The following LGALS14 variants were observed in gnomAD, a reference collection of about 807,000 sequenced individuals.
LGALS14 encodes the protein placental protein 13-like.
Under a neutral mutation model 14.6 loss-of-function variants are expected in LGALS14, and 14 were observed. The observed-to-expected ratio is 0.96, with a 90% CI of 0.64 to 1.50. LGALS14 has a LOEUF of 1.50. Ranked by LOEUF, LGALS14 falls within the 40% of genes most tolerant of loss-of-function variation. The pLI, the probability that LGALS14 is intolerant of heterozygous loss-of-function variation, is 0.00. For synonymous variants in LGALS14, 57 were observed against 63.9 expected, an observed-to-expected ratio of 0.89 and a Z score of 0.51; for missense variants, 180 against 172.0, an observed-to-expected ratio of 1.05 and a Z score of -0.26.
At chr19:39,706,141 G>T in intron 1 of LGALS14, 1 of 1,326,942 alleles carries the variant, frequency 7.5e-7, no homozygotes, top group South Asian at 1.4e-5. Context: ...CATTTTCTGA[G>T]TTGAAAATAA....
At chr19:39,709,104 G>A (rs1973759542) in intron 3 of LGALS14, 93 bp from the exon 4 acceptor site, 5 of 810,138 alleles carry the variant, frequency 6.2e-6, no homozygotes, top group Non-Finnish European at 1.1e-5. Flanking sequence ...GAGTTTTCAT[G>A]GGGAAGGTTA....
At chr19:39,705,064 G>T (rs557705792) in intron 1 of LGALS14, among the ~76,000 whole-genome samples, 1 of 152,238 alleles carries the variant, frequency 6.6e-6, no homozygotes, top group South Asian at 2.1e-4. Context: ...GCATGTGAAG[G>T]TTCCTCCCCA....
At position 39,706,204 on chromosome 19, in the gene LGALS14, T is replaced by C. The variant is rs1360830259; in HGVS notation, c.16-393T>C. 2.0e-5 allele frequency among the ~76,000 whole-genome samples: 3 copies of C among 152,166 alleles called. No individual in the cohort carries two copies. In the East Asian group the frequency reaches 5.8e-4, roughly 29 times the overall value. On this transcript the variant is annotated intron_variant, in intron 1 of 3. Coordinates refer to ENST00000392052, the MANE Select transcript of LGALS14 (RefSeq NM_020129.3). ...CCTGTTCTGTTAGGTCACCCCTAAT[T>C]GACCCTATACATGCCAGGGATTAGG...
chr19:39,707,589 C>T (rs952682560), intron 3 of LGALS14, among the ~76,000 whole-genome samples: 4 of 152,188 alleles, frequency 2.6e-5, no homozygotes, highest in Non-Finnish European at 4.4e-5. Context: ...AAGGTCGGCT[C>T]ACCTGCCATT....
chr19:39,707,847 T>A (rs1973739398), intron 3 of LGALS14, among the ~76,000 whole-genome samples: 1 of 152,194 alleles, frequency 6.6e-6, no homozygotes, highest in Non-Finnish European at 1.5e-5. Flanking sequence ...TCTCACTTTG[T>A]CATCCAGGTT....
chr19:39,707,046 G>C (rs11671409), intron 2 of LGALS14, 132 bp from the exon 3 acceptor site: 21,095 of 711,920 alleles, frequency 0.03, 455 homozygotes, highest in Non-Finnish European at 0.042. Context: ...CGTCCCCACA[G>C]GGACCAGGAC....
At chr19:39,707,522 A>G in intron 3 of LGALS14, 134 bp downstream of exon 3, 1 of 740,896 alleles carries the variant, frequency 1.3e-6, no homozygotes, top group Non-Finnish European at 2.3e-6. Context: ...TTTTCATCAC[A>G]GAGCACCCTC....
chr19:39,706,713 A>G, intron 2 of LGALS14, 40 bp downstream of exon 2: 4 of 1,481,862 alleles, frequency 2.7e-6, no homozygotes, highest in Non-Finnish European at 3.8e-6. Flanking sequence ...TGGAGGAGAG[A>G]AGGGAGAATA....
intron 3 of LGALS14, among the ~76,000 whole-genome samples, chr19:39,707,602 C>T (rs1038379722): frequency 2.0e-5 from 3 of 152,296 alleles, no homozygotes; most frequent in Middle Eastern, 3.4e-3. Flanking sequence ...CTGCCATTTC[C>T]TCCAAAGTGG....
chr19:39,705,578 C>A (rs528361177), intron 1 of LGALS14: 4 of 227,674 alleles, frequency 1.8e-5, no homozygotes, highest in Non-Finnish European at 2.6e-5. Flanking sequence ...TTCACTGGTT[C>A]ATGACTATAA....
chr19:39,708,388 G>A (rs1973749540), intron 3 of LGALS14, among the ~76,000 whole-genome samples: 1 of 151,994 alleles, frequency 6.6e-6, no homozygotes, highest in Non-Finnish European at 1.5e-5. Flanking sequence ...CACAAATGAT[G>A]CCGTATTAAG....
intron 1 of LGALS14, 96 bp from the exon 2 acceptor site, chr19:39,706,501 C>G: frequency 2.3e-6 from 2 of 874,966 alleles, no homozygotes; most frequent in Non-Finnish European, 3.8e-6. Flanking sequence ...CAGAGTCTGA[C>G]CTTTGATCTC....
chr19:39,706,757 G>A, intron 2 of LGALS14, 84 bp downstream of exon 2: 1 of 1,195,708 alleles, frequency 8.4e-7, no homozygotes, highest in Non-Finnish European at 1.2e-6. Flanking sequence ...TGTGAGTGAT[G>A]TGGAAAACTC....
intron 1 of LGALS14, chr19:39,706,074 A>G (rs1973711385): frequency 2.5e-6 from 4 of 1,598,952 alleles, no homozygotes; most frequent in East Asian, 4.5e-5. Flanking sequence ...TCTTTCAACA[A>G]GTGTTGTTTC....
At position 39,707,331 on chromosome 19, in the gene LGALS14, C is replaced by G. The variant is rs373513726; in HGVS notation, c.246C>G (p.Pro82=). Residue 82 remains proline, a synonymous_variant, in exon 3 of 4, where the codon CCC becomes CCG. Transcript: ENST00000392052. ...WRYEEKCYYL[P]FEDGKPFELC... ...ATGAGGAGAAATGCTACTATTTACC[C>G]TTTGAAGATGGCAAACCATTTGAGC... The G allele has an allele frequency of 2.2e-5, 36 of 1,613,998 alleles. No individual in the cohort carries two copies. Among genetic ancestry groups the G allele is most frequent in the Admixed American group, 1.7e-5 (1 of 60,010 alleles).
chr19:39,709,378 A>T lies in LGALS14; in HGVS notation c.*65A>T. 1 of 924,926 alleles carries T rather than the reference A, an allele frequency of 1.1e-6. No homozygotes were observed. Among genetic ancestry groups the T allele is most frequent in the Non-Finnish European group, 1.8e-6 (1 of 560,084 alleles). 57.3% of individuals were successfully genotyped at this position (924,926 alleles called of 1,614,324 possible). ...TTCTACCTGACCATGGGATTCCCAG[A>T]GCCTACTAACAGAATAATCCCTCCT... On this transcript the variant is annotated 3_prime_UTR_variant, in exon 4 of 4. Coordinates refer to ENST00000392052, the MANE Select transcript of LGALS14 (RefSeq NM_020129.3).
At position 39,706,634 on chromosome 19, in the gene LGALS14, C is replaced by G. The variant is rs150238702; in HGVS notation, c.53C>G (p.Ser18Trp). 1.9e-6 allele frequency: 3 copies of G among 1,613,964 alleles called. No individual in the cohort carries two copies. Among genetic ancestry groups the G allele is most frequent in the Non-Finnish European group, 2.5e-6 (3 of 1,179,872 alleles). Residue 18 changes from serine to tryptophan, a missense_variant, in exon 2 of 4, where the codon TCG becomes TGG. Physicochemically the swap from Ser to Trp is radical, Grantham distance 177. Coordinates refer to ENST00000392052, the MANE Select transcript of LGALS14 (RefSeq NM_020129.3). ...CTGCCTGTTTCCTTGCCTGTTGGTT[C>G]GTGCGTGATAATCACAGGGACACCG... ...YTLPVSLPVG[S>W]CVIITGTPIL...
intron 2 of LGALS14, 29 bp from the exon 3 acceptor site, chr19:39,707,149 G>C (rs1165292078): frequency 1.3e-6 from 2 of 1,564,368 alleles, no homozygotes; most frequent in South Asian, 2.2e-5. Context: ...GGGGGGACCT[G>C]CCCAACATGC....
In LGALS14 at chr19:39,707,069, G is replaced by A. The variant is rs979054386; in HGVS notation, c.93-109G>A. The stretch of plus-strand genomic sequence containing the variant: ...CAGGGACCAGGACTGCAGTATCATC[G>A]GGGAGACTTTTTGCCCTGGGTAAAG... On this transcript the variant is annotated intron_variant, in intron 2 of 3. Coordinates refer to ENST00000392052, the MANE Select transcript of LGALS14 (RefSeq NM_020129.3). 1.8e-4 allele frequency: 146 copies of A among 826,528 alleles called. No homozygotes were observed. The Admixed American group carries it at 2.6e-3, about 15-fold the overall frequency. The allele number at this position is 826,528 out of a possible 1,614,324, so 51.2% of individuals were successfully genotyped here.
Sources: allele counts gnomAD v4.1 joint callset (sites outside exome capture counted in the v4.1 genomes callset), GRCh38; gene constraint gnomAD v4.1.1; transcripts MANE v1.5; gene names NCBI Gene and HGNC (gene_info 2026-07-23, HGNC 2026-07-21).